The following SAMM50 variants were observed in gnomAD, a reference collection of about 807,000 sequenced individuals.
SAMM50 encodes the protein SAMM50 sorting and assembly machinery component.
In SAMM50, 47 loss-of-function variants were observed where a neutral mutation model predicts 66.9. That is an observed-to-expected ratio of 0.70 (90% confidence interval 0.56 to 0.90). The LOEUF (loss-of-function observed/expected upper bound fraction) is 0.90, where lower values mean the gene tolerates loss of function less well. Ranked by LOEUF, SAMM50 falls within the 40% of genes least tolerant of loss-of-function variation. SAMM50 has a pLI of 0.00. For synonymous variants in SAMM50, 191 were observed against 214.1 expected (o/e 0.89, Z 0.94); for missense variants, 535 against 595.3 (o/e 0.90, Z 1.05).
At chr22:43,976,581 C>T (rs2050233617) in intron 8 of SAMM50, among the ~76,000 whole-genome samples, 169 bp from the exon 9 acceptor site, 1 of 152,190 alleles carries the variant, frequency 6.6e-6, no homozygotes, top group Non-Finnish European at 1.5e-5. Context: ...CAGTGTCCTC[C>T]TATGTAAGAT....
intron 2 of SAMM50, 21 bp downstream of exon 2, chr22:43,963,417 C>T: frequency 6.8e-7 from 1 of 1,475,278 alleles, no homozygotes; most frequent in Non-Finnish European, 9.4e-7. Context: ...TGTTGAAGGT[C>T]TTGATAGAAT....
At chr22:43,976,682 T>C in intron 8 of SAMM50, 68 bp from the exon 9 acceptor site, 2 of 1,163,160 alleles carry the variant, frequency 1.7e-6, no homozygotes, top group Admixed American at 1.7e-5. Context: ...GCCCACGTGC[T>C]GTGAGTGCTC....
Position 43,955,496 on chromosome 22 carries a change from C to G in SAMM50, c.-82C>G, listed in dbSNP as rs905150444. 1 of 1,512,584 alleles carries G rather than the reference C, an allele frequency of 6.6e-7. No individual in the cohort carries two copies. The highest frequency in any genetic ancestry group is 1.4e-5 in the African/African-American group (1 of 72,816). 93.7% of individuals were successfully genotyped at this position (1,512,584 alleles called of 1,614,324 possible). A position where few individuals can be genotyped will look rare whatever the true frequency, so the allele number is the denominator to read the frequency against. ...TTGCCTTGACCTGCAGCTCCGCCAC[C>G]GCGGACCCGCCTTCTGCCCTCAGCA... On this transcript the variant is annotated 5_prime_UTR_variant, in exon 1 of 15. Transcript: ENST00000350028.
At chr22:43,967,635 T>A in intron 3 of SAMM50, among the ~76,000 whole-genome samples, 1 of 152,182 alleles carries the variant, frequency 6.6e-6, no homozygotes, top group Non-Finnish European at 1.5e-5. Context: ...TGCAGGCTTC[T>A]CCCATCTGGG....
intron 12 of SAMM50, chr22:43,988,634 T>G (rs2050306361): frequency 6.5e-6 from 1 of 153,074 alleles, no homozygotes; most frequent in Non-Finnish European, 1.5e-5. Flanking sequence ...GTGCAGTGGG[T>G]GGCAGGCAGC....
intron 12 of SAMM50, among the ~76,000 whole-genome samples, chr22:43,984,791 G>T (rs1292239700): frequency 6.6e-6 from 1 of 151,412 alleles, no homozygotes; most frequent in Non-Finnish European, 1.5e-5. Flanking sequence ...ACCACGCCTG[G>T]CTAACTTTTT....
At chr22:43,984,538 C>G (rs549523651) in intron 12 of SAMM50, among the ~76,000 whole-genome samples, 51 of 151,876 alleles carry the variant, frequency 3.4e-4, no homozygotes, top group Middle Eastern at 6.8e-3. Flanking sequence ...GTCTCAAACT[C>G]CTGACCTCGT....
Position 43,973,006 on chromosome 22 carries a change from G to A in SAMM50, c.560+5G>A. 1 of 1,587,164 alleles carries A rather than the reference G, an allele frequency of 6.3e-7. No homozygotes were observed. The highest frequency in any genetic ancestry group is 8.5e-7 in the Non-Finnish European group (1 of 1,173,486). ...GCCCGGAAACTTCGAAAGAAAGTAG[G>A]AAGCCCAACAGATCATTGAGTACAC... On this transcript the variant is annotated splice_donor_5th_base_variant and intron_variant, in intron 6 of 14. Transcript: ENST00000350028.
chr22:43,955,504 C>T lies in SAMM50; in HGVS notation c.-74C>T, dbSNP rs2050113994. ...ACCTGCAGCTCCGCCACCGCGGACC[C>T]GCCTTCTGCCCTCAGCAGCAGACGC... On this transcript the variant is annotated 5_prime_UTR_variant, in exon 1 of 15. Coordinates refer to ENST00000350028, the MANE Select transcript of SAMM50 (RefSeq NM_015380.5). 3.9e-6 allele frequency: 6 copies of T among 1,535,730 alleles called. No homozygotes were observed. Among genetic ancestry groups the T allele is most frequent in the East Asian group, 2.4e-5 (1 of 41,994 alleles).
At chr22:43,972,425 G>A in intron 5 of SAMM50, 83 bp downstream of exon 5, 1 of 746,190 alleles carries the variant, frequency 1.3e-6, no homozygotes, top group Non-Finnish European at 2.1e-6. Flanking sequence ...AAAAGCTGAT[G>A]ATAGTTTCAA....
intron 1 of SAMM50, among the ~76,000 whole-genome samples, chr22:43,958,991 G>A (rs1424135706): frequency 6.8e-6 from 1 of 146,378 alleles, no homozygotes; most frequent in East Asian, 2.0e-4. Flanking sequence ...CTTAATATGT[G>A]TTATGTATTG....
chr22:43,974,922 T>C (rs1603419333), intron 7 of SAMM50: 1 of 152,044 alleles, frequency 6.6e-6, no homozygotes, highest in East Asian at 1.9e-4. Flanking sequence ...CACCAAAGTG[T>C]AGACTCGGCC....
chr22:43,968,255 G>A (rs12160772), intron 3 of SAMM50, among the ~76,000 whole-genome samples: 631 of 114,950 alleles, frequency 5.5e-3, no homozygotes, highest in Middle Eastern at 0.019. Flanking sequence ...AAAGAAAAAA[G>A]AAAAAAAGAA....
At chr22:43,973,053 A>C (rs2050212177) in intron 6 of SAMM50, 52 bp downstream of exon 6, 4 of 1,566,992 alleles carry the variant, frequency 2.6e-6, no homozygotes, top group Non-Finnish European at 3.4e-6. Flanking sequence ...AAAAGTTAAA[A>C]TAGGTGGCTT....
At chr22:43,970,211 G>A (rs1242953452) in intron 4 of SAMM50, among the ~76,000 whole-genome samples, 2 of 152,114 alleles carry the variant, frequency 1.3e-5, no homozygotes, top group Non-Finnish European at 2.9e-5. Flanking sequence ...TTGGGCTGGC[G>A]TGGTTTCCTG....
chr22:43,978,200 T>G (rs1442633303), intron 10 of SAMM50, among the ~76,000 whole-genome samples: 2 of 151,848 alleles, frequency 1.3e-5, no homozygotes, highest in Non-Finnish European at 2.9e-5. Context: ...TCCCAGCACT[T>G]TGGGAGGCTG....
chr22:43,968,038 A>G (rs2050182313), intron 3 of SAMM50, among the ~76,000 whole-genome samples: 1 of 151,984 alleles, frequency 6.6e-6, no homozygotes, highest in Admixed American at 6.5e-5. Context: ...CCTGGCCAAC[A>G]TGGTGAAATC....
intron 13 of SAMM50, 141 bp downstream of exon 13, chr22:43,989,398 G>A (rs1336822552): frequency 1.6e-5 from 13 of 833,934 alleles, no homozygotes; most frequent in Middle Eastern, 3.7e-4. Flanking sequence ...GTGCAGTGGC[G>A]CAATCTCGGC....
At chr22:43,965,228 T>C (rs1170174462) in intron 3 of SAMM50, among the ~76,000 whole-genome samples, 1 of 150,832 alleles carries the variant, frequency 6.6e-6, no homozygotes, top group African/African-American at 2.4e-5. Flanking sequence ...TTTTTTTAGA[T>C]AGGGTCTTGC....
Sources: allele counts gnomAD v4.1 joint callset (sites outside exome capture counted in the v4.1 genomes callset), GRCh38; gene constraint gnomAD v4.1.1; transcripts MANE v1.5; gene names NCBI Gene and HGNC (gene_info 2026-07-23, HGNC 2026-07-21).